Variants in GPC6 observed in about 807,000 individuals in gnomAD.
The protein encoded by GPC6 is glypican-6.
Under a neutral mutation model 55.2 loss-of-function variants are expected in GPC6, and 14 were observed. The observed-to-expected ratio is 0.25, with a 90% CI of 0.17 to 0.40. The LOEUF (loss-of-function observed/expected upper bound fraction) is 0.40, where lower values mean the gene tolerates loss of function less well. Among genes scored for constraint, GPC6 ranks in the 10% least tolerant of loss-of-function variants. GPC6 has a pLI of 1.00. For missense variants in GPC6, 641 were observed against 708.5 expected (o/e 0.90, Z 1.08); for synonymous variants, 278 against 259.6 (o/e 1.07, Z -0.68).
chr13:93,835,404 G>A (rs923381271), intron 3 of GPC6, among the ~76,000 whole-genome samples: 3 of 152,062 alleles, frequency 2.0e-5, no homozygotes, highest in Non-Finnish European at 4.4e-5. Flanking sequence ...GTAGTGAGCC[G>A]AGATCGTGCC....
intron 3 of GPC6, among the ~76,000 whole-genome samples, chr13:93,918,646 A>C (rs778855035): frequency 3.4e-4 from 52 of 152,188 alleles, no homozygotes; most frequent in Non-Finnish European, 6.8e-4. Flanking sequence ...CTCAGAAACA[A>C]CACCATCAGT....
At chr13:93,439,825 A>G (rs1020350697) in intron 1 of GPC6, among the ~76,000 whole-genome samples, 2 of 152,174 alleles carry the variant, frequency 1.3e-5, no homozygotes, top group Admixed American at 6.5e-5. Flanking sequence ...TCTTCTACGC[A>G]TCTTGTTTGT....
rs142902419 is a variant in GPC6, at chr13:93,672,296, A to G, written c.319+126875A>G. 2.1e-3 allele frequency among the ~76,000 whole-genome samples: 317 copies of G among 151,936 alleles called. 1 individual carries two copies. Among genetic ancestry groups the G allele is most frequent in the African/African-American group, 7.3e-3 (301 of 41,424 alleles). Reference sequence around the variant, plus strand: ...AGAAATTCCAAATGTATTGCAGCTCATATTTGGATATAACTATTGAGTTTG... The same window carrying G: ...AGAAATTCCAAATGTATTGCAGCTCGTATTTGGATATAACTATTGAGTTTG... On this transcript the variant is annotated intron_variant, in intron 2 of 8. Coordinates refer to ENST00000377047, the MANE Select transcript of GPC6 (RefSeq NM_005708.5).
intron 2 of GPC6, among the ~76,000 whole-genome samples, chr13:93,627,805 GT>G: frequency 6.6e-6 from 1 of 152,184 alleles, no homozygotes; most frequent in South Asian, 2.1e-4. Context: ...GGTGTCTTTT[GT>G]TTTATTTTGT....
intron 4 of GPC6, among the ~76,000 whole-genome samples, chr13:94,256,221 G>A (rs1215659319): frequency 2.0e-5 from 3 of 152,078 alleles, no homozygotes; most frequent in Non-Finnish European, 2.9e-5. Flanking sequence ...TGTGGAGTGT[G>A]GGCCATGTCA....
chr13:94,015,872 A>C (rs1882446259), intron 3 of GPC6, among the ~76,000 whole-genome samples: 3 of 152,224 alleles, frequency 2.0e-5, no homozygotes, highest in Admixed American at 2.0e-4. Flanking sequence ...CTGTTCTTAC[A>C]CCAGTACCAC....
At chr13:93,307,994 G>A (rs1245113772) in intron 1 of GPC6, among the ~76,000 whole-genome samples, 2 of 152,088 alleles carry the variant, frequency 1.3e-5, no homozygotes, top group Non-Finnish European at 2.9e-5. Flanking sequence ...GGCCGGGCAT[G>A]GTGGCTCAGG....
At chr13:94,223,769 C>T (rs1261058794) in intron 4 of GPC6, among the ~76,000 whole-genome samples, 1 of 152,166 alleles carries the variant, frequency 6.6e-6, no homozygotes, top group African/African-American at 2.4e-5. Flanking sequence ...AGCAAGGATG[C>T]AATCCCCAGT....
intron 1 of GPC6, among the ~76,000 whole-genome samples, chr13:93,473,738 G>T (rs1311795203): frequency 6.6e-6 from 1 of 152,178 alleles, no homozygotes; most frequent in Non-Finnish European, 1.5e-5. Flanking sequence ...CCATCATGGT[G>T]TCTCCATGGA....
intron 4 of GPC6, among the ~76,000 whole-genome samples, chr13:94,117,920 A>G (rs1250213477): frequency 6.6e-6 from 1 of 152,122 alleles, no homozygotes; most frequent in East Asian, 1.9e-4. Context: ...TCCTGAGGAC[A>G]TGTAATTTGG....
At chr13:94,089,744 G>A (rs1055883017) in intron 4 of GPC6, among the ~76,000 whole-genome samples, 2 of 152,130 alleles carry the variant, frequency 1.3e-5, no homozygotes, top group African/African-American at 4.8e-5. Flanking sequence ...AGCTAGGAAT[G>A]TGTCCATTGG....
intron 2 of GPC6, among the ~76,000 whole-genome samples, chr13:93,546,683 A>T (rs2139435644): frequency 6.6e-6 from 1 of 152,326 alleles, no homozygotes; most frequent in African/African-American, 2.4e-5. Context: ...TCTTGATTAT[A>T]GGTTACAAAT....
intron 5 of GPC6, among the ~76,000 whole-genome samples, chr13:94,290,355 A>G: frequency 6.7e-6 from 1 of 148,444 alleles, no homozygotes; most frequent in East Asian, 2.1e-4. Flanking sequence ...AGAGAGGTCG[A>G]GGCTACAGTG....
At chr13:93,664,348 G>A (rs1476183407) in intron 2 of GPC6, among the ~76,000 whole-genome samples, 1 of 152,058 alleles carries the variant, frequency 6.6e-6, no homozygotes, top group Non-Finnish European at 1.5e-5. Context: ...GGGATTCAGT[G>A]AACTTTTTCG....
chr13:93,886,281 A>T (rs1315820974), intron 3 of GPC6, among the ~76,000 whole-genome samples: 1 of 152,018 alleles, frequency 6.6e-6, no homozygotes, highest in Non-Finnish European at 1.5e-5. Context: ...CATTGTTGAA[A>T]AGGCCCAAAA....
chr13:93,428,090 G>C (rs973309056), intron 1 of GPC6, among the ~76,000 whole-genome samples: 3 of 152,050 alleles, frequency 2.0e-5, no homozygotes, highest in African/African-American at 7.2e-5. Flanking sequence ...TACCATCCTA[G>C]TTTTTGGATA....
intron 1 of GPC6, among the ~76,000 whole-genome samples, chr13:93,494,837 T>C (rs1242588442): frequency 6.7e-6 from 1 of 148,974 alleles, no homozygotes; most frequent in South Asian, 2.2e-4. Context: ...TCTTTAAGAA[T>C]GTTGAATATT....
At chr13:93,285,002 C>T (rs556103715) in intron 1 of GPC6, among the ~76,000 whole-genome samples, 1 of 152,198 alleles carries the variant, frequency 6.6e-6, no homozygotes, top group East Asian at 1.9e-4. Context: ...GGAGAAGCTT[C>T]AAGGCACAGG....
intron 3 of GPC6, among the ~76,000 whole-genome samples, chr13:93,832,089 CAAAAAAAAAAAAAAAAA>C (rs71207433): frequency 1.2e-4 from 1 of 8,532 alleles, no homozygotes; most frequent in Admixed American, 2.4e-3. Flanking sequence ...GACTCCAACT[CAAAAAAAAAAAAAAAAA>C]AAAAAAAAAA....
Sources: gnomAD v4.1 joint callset for allele counts (sites outside exome capture counted in the v4.1 genomes callset) on GRCh38, gnomAD v4.1.1 for gene constraint, MANE v1.5 for transcripts, NCBI Gene and HGNC (gene_info 2026-07-23, HGNC 2026-07-21) for gene names.